The following MAP4 variants were observed in gnomAD, a reference collection of about 807,000 sequenced individuals.
MAP4 encodes the protein microtubule associated protein 4, also known as microtubule-associated protein 4.
MAP4 carries 76 observed loss-of-function variants against 170.2 expected under a neutral mutation model. The ratio of observed to expected loss-of-function variants is 0.45; its 90% confidence interval spans 0.37 to 0.54. MAP4 has a LOEUF of 0.54. MAP4 is among the 20% of genes least tolerant of loss of function. MAP4 has a pLI of 0.00. For synonymous variants in MAP4, 909 were observed against 994.5 expected (o/e 0.91, Z 1.62); for missense variants, 2,506 against 2,748.0 (o/e 0.91, Z 1.97).
intron 2 of MAP4, chr3:47,987,330 T>A: frequency 7.6e-7 from 1 of 1,307,236 alleles, no homozygotes; most frequent in Non-Finnish European, 1.0e-6. Context: ...TTAATTATGA[T>A]CTTACAAGTA....
intron 1 of MAP4, among the ~76,000 whole-genome samples, chr3:48,055,176 GTCTCCCTCTCCCTCTCCC>G (rs145682966): frequency 1.1e-3 from 158 of 146,518 alleles, no homozygotes; most frequent in African/African-American, 3.0e-3. Flanking sequence ...TCTTTAAAAA[GTCTCCCTCTCCCTCTCCC>G]TCTCCGTCTC....
At chr3:47,866,221 C>T (rs1009582105) in intron 17 of MAP4, among the ~76,000 whole-genome samples, 1 of 151,736 alleles carries the variant, frequency 6.6e-6, no homozygotes. Flanking sequence ...CCTGTAGCCC[C>T]AGCTACTTGG....
In MAP4 at chr3:47,872,063, G is replaced by A. The variant is rs1559845093; in HGVS notation, c.5795C>T (p.Ser1932Leu). ...TGGGGCAGAAGCTGGCTTGGATGGT[G>A]AGGCCCGCTTCTCAGGAGCCTTTGC... is the stretch of plus-strand genomic sequence containing the variant. ...ADAKAPEKRASPSKPASAPAS... is the reference protein window; with the variant it reads ...ADAKAPEKRALPSKPASAPAS... The change falls in exon 13 of 21, where the codon TCA (serine) becomes TTA (leucine). Residue 1932 changes from serine to leucine, a missense_variant. This residue lies in a region of MAP4 where 487 missense variants were observed against 511.6 expected (regional missense o/e 0.95). Coordinates refer to ENST00000683076, the MANE Select transcript of MAP4 (RefSeq NM_001385682.1). 2 of 1,613,584 alleles carry A rather than the reference G, an allele frequency of 1.2e-6. No homozygotes were observed.
At chr3:48,046,650 T>A (rs749522841) in intron 1 of MAP4, among the ~76,000 whole-genome samples, 11 of 152,176 alleles carry the variant, frequency 7.2e-5, no homozygotes, top group Non-Finnish European at 8.8e-5. Context: ...TTCTAACAGT[T>A]AGAAAAATAA....
intron 1 of MAP4, among the ~76,000 whole-genome samples, chr3:48,024,295 G>A (rs1452285626): frequency 6.6e-6 from 1 of 152,052 alleles, no homozygotes; most frequent in Non-Finnish European, 1.5e-5. Context: ...GGGCAACAGA[G>A]TTTGACTCTG....
intron 3 of MAP4, among the ~76,000 whole-genome samples, chr3:47,971,935 C>A (rs1283578986): frequency 6.6e-6 from 1 of 152,090 alleles, no homozygotes; most frequent in Non-Finnish European, 1.5e-5. Flanking sequence ...AGAATTGCTT[C>A]AATTACCAAA....
At chr3:47,874,083 G>C (rs1231974498) in intron 12 of MAP4, among the ~76,000 whole-genome samples, 1 of 152,250 alleles carries the variant, frequency 6.6e-6, no homozygotes, top group Non-Finnish European at 1.5e-5. Flanking sequence ...AGAAGCCTGA[G>C]CTGCAGTCCT....
chr3:47,865,544 C>T (rs527395752), intron 17 of MAP4, among the ~76,000 whole-genome samples: 2 of 152,194 alleles, frequency 1.3e-5, no homozygotes, highest in Non-Finnish European at 2.9e-5. Flanking sequence ...AATGAAAGCT[C>T]ATGGCCGCAT....
At chr3:47,954,129 C>G (rs2100066291) in intron 3 of MAP4, among the ~76,000 whole-genome samples, 1 of 152,072 alleles carries the variant, frequency 6.6e-6, no homozygotes, top group Admixed American at 6.6e-5. Context: ...TCCCTGTTCC[C>G]CTAGACATGG....
Position 48,059,702 on chromosome 3 carries a change from A to C in MAP4, c.-20+29071T>G, listed in dbSNP as rs576791418. Among the ~76,000 whole-genome samples the C allele has an allele frequency of 4.6e-5, 7 of 151,700 alleles. No homozygotes were observed. The East Asian group carries it at 9.7e-4, about 21-fold the overall frequency. On this transcript the variant is annotated intron_variant, in intron 1 of 18. Coordinates refer to the MAP4 transcript ENST00000360240. ...GTAATCCTAGCATTTTGGGAGGCTG[A>C]AGCGGGTGGCTCACGCCTGTAATCC...
chr3:48,059,463 C>A (rs943681389), intron 1 of MAP4, among the ~76,000 whole-genome samples: 4 of 133,376 alleles, frequency 3.0e-5, no homozygotes, highest in Admixed American at 9.1e-5. Flanking sequence ...TACAGTGAGC[C>A]GAGATCGTGC....
chr3:47,919,316 TTC>T (rs907847275), intron 5 of MAP4, among the ~76,000 whole-genome samples: 4 of 152,162 alleles, frequency 2.6e-5, no homozygotes, highest in Non-Finnish European at 5.9e-5. Context: ...AAAGTTTTTT[TTC>T]TTTTTTTGAG....
At position 47,994,099 on chromosome 3, in the gene MAP4, C is replaced by CA. The variant is rs200347495; in HGVS notation, c.223+4538dup. 6.5e-3 allele frequency among the ~76,000 whole-genome samples: 991 copies of CA among 151,568 alleles called. 13 individuals carry two copies. The highest frequency in any genetic ancestry group is 0.028 in the Middle Eastern group (8 of 288). On this transcript the variant is annotated intron_variant, in intron 2 of 20. Coordinates refer to ENST00000683076, the MANE Select transcript of MAP4 (RefSeq NM_001385682.1). ...GCAACAAAAAATTAAAAACTTAAAC[C>CA]AAAAAAAACTTTAAAGGGCATCCAT...
chr3:47,913,860 A>G (rs1347022753), intron 8 of MAP4, among the ~76,000 whole-genome samples: 1 of 152,204 alleles, frequency 6.6e-6, no homozygotes, highest in Non-Finnish European at 1.5e-5. Context: ...AATCAAGTTG[A>G]TAATCATATA....
rs139137990 is a variant in MAP4 at position 47,916,116 on chromosome 3, T to G, written c.1711A>C (p.Thr571Pro). 9.7e-5 allele frequency: 157 copies of G among 1,614,064 alleles called. No individual in the cohort carries two copies. In the African/African-American group the frequency reaches 2.0e-3, roughly 20 times the overall value. The change falls in exon 7 of 21, where the codon ACT becomes CCT. Residue 571 changes from threonine to proline, a missense_variant. This residue lies in a region of MAP4 where 2,008 missense variants were observed against 2,206.0 expected (regional missense o/e 0.91). Coordinates refer to ENST00000683076, the MANE Select transcript of MAP4 (RefSeq NM_001385682.1). ...DGVLTLANNV[T>P]PAKDVPPLSE... ...AGTGGTGGAACATCTTTGGCTGGAG[T>G]CACATTGTTGGCCAGGGTCAGAACC...
At chr3:48,087,169 C>G (rs931349291) in intron 1 of MAP4, among the ~76,000 whole-genome samples, 6 of 152,160 alleles carry the variant, frequency 3.9e-5, no homozygotes, top group African/African-American at 9.7e-5. Context: ...TAGTACGGAT[C>G]AGCAAACTAC....
At chr3:47,943,201 T>A (rs1313754343) in intron 3 of MAP4, among the ~76,000 whole-genome samples, 1 of 152,200 alleles carries the variant, frequency 6.6e-6, no homozygotes, top group East Asian at 1.9e-4. Flanking sequence ...TTCTCAGATT[T>A]TCAGCCGACT....
chr3:48,059,514 CAAAAAAA>C (rs762700404), intron 1 of MAP4, among the ~76,000 whole-genome samples: 13 of 18,008 alleles, frequency 7.2e-4, no homozygotes, highest in Non-Finnish European at 1.4e-3. Flanking sequence ...GACTCCATCT[CAAAAAAA>C]AAAAAAAAAA....
intron 3 of MAP4, among the ~76,000 whole-genome samples, chr3:47,969,651 G>A (rs910459390): frequency 6.6e-6 from 1 of 152,150 alleles, no homozygotes; most frequent in East Asian, 1.9e-4. Flanking sequence ...CTGCACATAG[G>A]TGTGATTTGA....
Sources: gnomAD v4.1 joint callset for allele counts (sites outside exome capture counted in the v4.1 genomes callset) on GRCh38, gnomAD v4.1.1 for gene constraint, gnomAD v4.1.1 regional missense constraint, MANE v1.5 for transcripts, NCBI Gene and HGNC (gene_info 2026-07-23, HGNC 2026-07-21) for gene names.